The following ZFP1 variants were observed in gnomAD, a reference collection of about 807,000 sequenced individuals.
The protein encoded by ZFP1 is zinc finger protein 1 homolog.
In ZFP1, 32 loss-of-function variants were observed where a neutral mutation model predicts 38.5. That is an observed-to-expected ratio of 0.83 (90% CI 0.63 to 1.12). The LOEUF is 1.12. Ranked by LOEUF, ZFP1 falls within the 50% of genes most tolerant of loss-of-function variation. The pLI, the probability that ZFP1 is intolerant of heterozygous loss-of-function variation, is 0.00. For missense variants in ZFP1, 616 were observed against 480.8 expected (o/e 1.28, Z -2.63); for synonymous variants, 245 against 168.8 (o/e 1.45, Z -3.50).
the ZFP1 span, among the ~76,000 whole-genome samples, chr16:75,136,946 A>G: frequency 6.6e-6 from 1 of 152,146 alleles, no homozygotes; most frequent in Non-Finnish European, 1.5e-5. Flanking sequence ...ATACATACAT[A>G]TATTTCTTTG....
the ZFP1 span, among the ~76,000 whole-genome samples, chr16:75,129,924 G>A: frequency 7.2e-5 from 11 of 152,326 alleles, no homozygotes; most frequent in Middle Eastern, 6.8e-3. Flanking sequence ...AGGAAGGAAA[G>A]TACACTTGGA....
intron 2 of ZFP1, among the ~76,000 whole-genome samples, chr16:75,155,222 C>A (rs1029214562): frequency 1.3e-5 from 2 of 152,222 alleles, no homozygotes; most frequent in Non-Finnish European, 2.9e-5. Flanking sequence ...CCTCGACTTG[C>A]TGGACTCAAG....
At chr16:75,136,730 C>T in the ZFP1 span, among the ~76,000 whole-genome samples, 5 of 151,776 alleles carry the variant, frequency 3.3e-5, no homozygotes, top group African/African-American at 9.7e-5. Context: ...ATTAGCCAGC[C>T]GTGATGGTGT....
At chr16:75,126,885 A>G in the ZFP1 span, among the ~76,000 whole-genome samples, 1 of 152,192 alleles carries the variant, frequency 6.6e-6, no homozygotes, top group Admixed American at 6.5e-5. Flanking sequence ...TATTTGGCTT[A>G]TTTGGTCTAA....
chr16:75,163,718 C>T (rs2037912065), intron 2 of ZFP1, among the ~76,000 whole-genome samples: 1 of 151,762 alleles, frequency 6.6e-6, no homozygotes, highest in Non-Finnish European at 1.5e-5. Flanking sequence ...CCCAAGCTGT[C>T]CTCCTACCTG....
the ZFP1 span, among the ~76,000 whole-genome samples, chr16:75,122,053 C>T: frequency 6.6e-6 from 1 of 152,248 alleles, no homozygotes; most frequent in Non-Finnish European, 1.5e-5. Context: ...AATGCTTATT[C>T]CCCAGTGCCA....
Position 75,169,283 on chromosome 16 carries a change from G to A in ZFP1, c.173G>A (p.Arg58Lys). 6.2e-7 allele frequency: 1 copy of A among 1,613,456 alleles called. No individual in the cohort carries two copies. The highest frequency in any genetic ancestry group is 8.5e-7 in the Non-Finnish European group (1 of 1,179,860). The change falls in exon 4 of 4, where the codon AGA becomes AAA. Residue 58 changes from arginine (R) to lysine (K), a missense_variant. Transcript: ENST00000570010. ...TGGAAGGCTGATGACCAGATGGAGA[G>A]AGACCACAGAAACCCAGACGAGCAG... ...EVWKADDQME[R>K]DHRNPDEQAR...
rs565842467 is a variant in ZFP1, at chr16:75,161,617, C to G, written c.16-5153C>G. 4.0e-5 allele frequency among the ~76,000 whole-genome samples: 6 copies of G among 150,656 alleles called. No homozygotes were observed. The East Asian group carries it at 9.8e-4, about 25-fold the overall frequency. On this transcript the variant is annotated intron_variant, in intron 2 of 3. Coordinates refer to ENST00000570010, the MANE Select transcript of ZFP1 (RefSeq NM_153688.4). ...TCAGTCTTCTTACTTGTAACCTATT[C>G]TCTCCTGAAACTCACAGGCTTTTCT...
upstream of ZFP1, among the ~76,000 whole-genome samples, chr16:75,143,899 C>T (rs901516513): frequency 1.3e-5 from 2 of 152,078 alleles, no homozygotes; most frequent in African/African-American, 2.4e-5. Context: ...AGGGATCTGC[C>T]TGCCTTGGCC....
At chr16:75,141,369 A>AT in the ZFP1 span, among the ~76,000 whole-genome samples, 1 of 151,316 alleles carries the variant, frequency 6.6e-6, no homozygotes, top group Admixed American at 6.6e-5. Context: ...CACCTGGCTA[A>AT]TTTTTTGTAT....
intron 3 of ZFP1, 30 bp from the exon 4 acceptor site, chr16:75,169,223 G>T (rs566035666): frequency 6.4e-7 from 1 of 1,568,188 alleles, no homozygotes; most frequent in Non-Finnish European, 8.6e-7. Context: ...GCATTGACAA[G>T]GTTCTTTTCA....
chr16:75,142,807 T>A, the ZFP1 span, among the ~76,000 whole-genome samples: 1 of 152,136 alleles, frequency 6.6e-6, no homozygotes, highest in Non-Finnish European at 1.5e-5. Flanking sequence ...GGTCAAGTGA[T>A]TCTCCTGCCT....
intron 3 of ZFP1, among the ~76,000 whole-genome samples, chr16:75,167,125 A>T (rs528976525): frequency 6.6e-6 from 1 of 152,240 alleles, no homozygotes; most frequent in East Asian, 1.9e-4. Context: ...CTGTCAAGCC[A>T]TATGCAATTT....
At chr16:75,127,722 A>G in the ZFP1 span, 1 of 152,208 alleles carries the variant, frequency 6.6e-6, no homozygotes, top group African/African-American at 2.4e-5. Context: ...AATGTTCATG[A>G]ATATCAAGCA....
chr16:75,155,223 T>C (rs1266795336), intron 2 of ZFP1, among the ~76,000 whole-genome samples: 1 of 152,236 alleles, frequency 6.6e-6, no homozygotes, highest in East Asian at 1.9e-4. Flanking sequence ...CTCGACTTGC[T>C]GGACTCAAGC....
chr16:75,132,376 C>CA, the ZFP1 span: 64,856 of 138,374 alleles, frequency 0.47, 14,455 homozygotes, highest in Middle Eastern at 0.58. Context: ...GACCCTGTCT[C>CA]AAAAAAAAAA....
intron 2 of ZFP1, 136 bp downstream of exon 2, chr16:75,153,102 C>A: frequency 8.5e-7 from 1 of 1,179,174 alleles, no homozygotes. Flanking sequence ...ATACCAGCAG[C>A]CAAAAAGCAA....
At chr16:75,128,516 A>AT in the ZFP1 span, among the ~76,000 whole-genome samples, 6 of 152,244 alleles carry the variant, frequency 3.9e-5, no homozygotes, top group African/African-American at 1.4e-4. Context: ...AACTATAGTA[A>AT]CACTCATTGT....
At chr16:75,160,779 T>A (rs1317017009) in intron 2 of ZFP1, among the ~76,000 whole-genome samples, 1 of 151,992 alleles carries the variant, frequency 6.6e-6, no homozygotes, top group Non-Finnish European at 1.5e-5. Context: ...AAATGCTGCA[T>A]CCTTCAGAGG....
Sources: allele counts gnomAD v4.1 joint callset (sites outside exome capture counted in the v4.1 genomes callset), GRCh38; gene constraint gnomAD v4.1.1; transcripts MANE v1.5; gene names NCBI Gene and HGNC (gene_info 2026-07-23, HGNC 2026-07-21).